ARHGEF6: variants seen among roughly 807,000 people sequenced by gnomAD.
The protein encoded by ARHGEF6 is Rac/Cdc42 guanine nucleotide exchange factor 6.
In ARHGEF6, 9 loss-of-function variants were observed where a neutral mutation model predicts 70.3. The observed-to-expected ratio is 0.13, with a 90% CI of 0.08 to 0.22. The LOEUF is 0.22. Among genes scored for constraint, ARHGEF6 ranks in the 10% least tolerant of loss-of-function variants. The probability of loss-of-function intolerance (pLI) is 1.00; values close to 1 mark genes in which losing one functional copy is unlikely to be tolerated. For missense variants in ARHGEF6, 470 were observed against 563.0 expected (o/e 0.83, Z 1.67); for synonymous variants, 201 against 207.8 (o/e 0.97, Z 0.28).
At chrX:136,742,103 A>G (rs755449117) in intron 5 of ARHGEF6, among the ~76,000 whole-genome samples, 216 of 110,801 alleles carry the variant, frequency 1.9e-3, no homozygotes, top group African/African-American at 6.9e-3. Flanking sequence ...GGCGGATCAC[A>G]AGGTCAGGAG....
intron 5 of ARHGEF6, among the ~76,000 whole-genome samples, chrX:136,735,324 G>T (rs2076974547): frequency 9.0e-6 from 1 of 111,037 alleles, no homozygotes; most frequent in African/African-American, 3.3e-5. Context: ...ACAATTTCTG[G>T]CCTCTTGTCC....
chrX:136,699,794 C>A (rs867628090), intron 9 of ARHGEF6, among the ~76,000 whole-genome samples: 2 of 111,141 alleles, frequency 1.8e-5, no homozygotes, highest in Middle Eastern at 9.2e-3. Flanking sequence ...GGTTTGGGAT[C>A]CAAAAACCCA....
In ARHGEF6 at chrX:136,667,609, C is replaced by T. The variant is rs767113152; in HGVS notation, c.*420G>A. 5.1e-5 allele frequency: 9 copies of T among 174,991 alleles called. No homozygotes were observed. Among genetic ancestry groups the T allele is most frequent in the Non-Finnish European group, 9.6e-5 (9 of 93,820 alleles). 14.4% of individuals were successfully genotyped at this position (174,991 alleles called of 1,213,427 possible). ...TTCACATTTAATAAGCCTTGGCCAGCTGCTTTGCAAGGGCAGCCAGCCCAA... is the reference window on the plus strand; with the variant it reads ...TTCACATTTAATAAGCCTTGGCCAGTTGCTTTGCAAGGGCAGCCAGCCCAA... On this transcript the variant is annotated 3_prime_UTR_variant, in exon 22 of 22. Transcript: ENST00000250617.
intron 2 of ARHGEF6, among the ~76,000 whole-genome samples, chrX:136,763,542 C>T (rs942509108): frequency 1.8e-5 from 2 of 111,935 alleles, no homozygotes; most frequent in Non-Finnish European, 3.8e-5. Context: ...AAGATGATCA[C>T]GGCCGGGCAC....
rs369663821 is a variant in ARHGEF6, at chrX:136,669,515, G to A, written c.2157C>T (p.Tyr719=). Residue 719 remains tyrosine (Y), a synonymous_variant, in exon 21 of 22, where the codon TAC becomes TAT. Transcript: ENST00000250617. ...MEEKSLVDTV[Y]ALKDEVRELK... is the part of the protein sequence containing the mutation. ...GTTCTCTGACCTCGTCCTTCAAGGCGTAAACAGTATCAACAAGGCTCCTAG... is the reference window on the plus strand; with the variant it reads ...GTTCTCTGACCTCGTCCTTCAAGGCATAAACAGTATCAACAAGGCTCCTAG... The A allele has an allele frequency of 4.5e-5, 54 of 1,205,971 alleles. No individual in the cohort carries two copies. The highest frequency in any genetic ancestry group is 2.3e-4 in the Middle Eastern group (1 of 4,341).
rs1351874574 is a variant in ARHGEF6 at position 136,679,576 on chromosome X, C to T, written c.1789G>A (p.Ala597Thr). The change falls in exon 16 of 22, where the codon GCA (alanine) becomes ACA (threonine). Residue 597 changes from alanine to threonine, a missense_variant. Ala to Thr is a moderately conservative substitution (Grantham distance 58). Coordinates refer to ENST00000250617, the MANE Select transcript of ARHGEF6 (RefSeq NM_004840.3). The part of the protein sequence containing the change: ...KPWSLSCLRP[A>T]PPLRPSAALG... ...GCTGCTGATGGTCTAAGTGGAGGTG[C>T]AGGTCGTAGACAACTTAAACTCCAC... 1 of 1,211,163 alleles carries T rather than the reference C, an allele frequency of 8.3e-7. No individual in the cohort carries two copies. The highest frequency in any genetic ancestry group is 1.7e-5 in the African/African-American group (1 of 57,753).
chrX:136,763,980 GTAA>G (rs2077288839), intron 2 of ARHGEF6, among the ~76,000 whole-genome samples: 1 of 111,653 alleles, frequency 9.0e-6, no homozygotes, highest in Non-Finnish European at 1.9e-5. Flanking sequence ...GAAAATAAGT[GTAA>G]GCTGCCCAAT....
At chrX:136,768,662 C>T (rs1036614803) in intron 2 of ARHGEF6, 1 of 112,523 alleles carries the variant, frequency 8.9e-6, no homozygotes, top group African/African-American at 3.2e-5. Context: ...GTTACAACTA[C>T]TGGTAATTGT....
intron 11 of ARHGEF6, among the ~76,000 whole-genome samples, chrX:136,686,883 A>C (rs952189416): frequency 9.4e-6 from 1 of 106,432 alleles, no homozygotes; most frequent in African/African-American, 3.4e-5. Context: ...TTTTCTATAA[A>C]ATCTCTGCTG....
chrX:136,679,781 T>C (rs764483952), intron 15 of ARHGEF6, 121 bp from the exon 16 acceptor site: 6 of 930,231 alleles, frequency 6.5e-6, no homozygotes, highest in African/African-American at 5.8e-5. Context: ...AAGGGATAGA[T>C]GGAAAAACAA....
At chrX:136,683,376 GA>G (rs1184653787) in intron 12 of ARHGEF6, among the ~76,000 whole-genome samples, 18 of 107,854 alleles carry the variant, frequency 1.7e-4, no homozygotes. Flanking sequence ...TTTTTTTCTT[GA>G]GACGGAGTTT....
intron 6 of ARHGEF6, among the ~76,000 whole-genome samples, chrX:136,717,749 G>T (rs1465819421): frequency 9.0e-6 from 1 of 111,127 alleles, no homozygotes; most frequent in Non-Finnish European, 1.9e-5. Flanking sequence ...TTATTATAAG[G>T]TACTTGCACT....
intron 1 of ARHGEF6, 52 bp downstream of exon 1, chrX:136,780,666 T>C: frequency 9.2e-7 from 1 of 1,089,905 alleles, no homozygotes; most frequent in Non-Finnish European, 1.3e-6. Flanking sequence ...AGTTACATGA[T>C]TGCTGCTCTC....
Position 136,685,050 on chromosome X carries a change from C to G in ARHGEF6, c.1392+627G>C, listed in dbSNP as rs774362187. Reference sequence around the variant, plus strand: ...TTCTGCATAGTCTAATTCTACCTGACTCAATCAATCTTTTACTAGGGCCAA... The same window carrying G: ...TTCTGCATAGTCTAATTCTACCTGAGTCAATCAATCTTTTACTAGGGCCAA... On this transcript the variant is annotated intron_variant, in intron 12 of 21. Coordinates refer to ENST00000250617, the MANE Select transcript of ARHGEF6 (RefSeq NM_004840.3). 8.2e-4 allele frequency among the ~76,000 whole-genome samples: 92 copies of G among 112,025 alleles called. No homozygotes were observed. The Admixed American group carries it at 8.7e-3, about 11-fold the overall frequency.
chrX:136,680,753 G>C lies in ARHGEF6; in HGVS notation c.1682C>G (p.Ser561Trp), dbSNP rs767903935. The change falls in exon 15 of 22, where the codon TCG (serine) becomes TGG (tryptophan). Residue 561 changes from serine (S) to tryptophan (W), a missense_variant. By Grantham distance (177) the Ser-to-Trp change is radical. Around this residue, in one of 3 missense-constraint regions of ARHGEF6, gnomAD observed 379 missense variants for 449.3 expected, o/e 0.84. Coordinates refer to ENST00000250617, the MANE Select transcript of ARHGEF6 (RefSeq NM_004840.3). ...ASCSSLSKTS[S>W]SSCSAHSSFS... ...TACAGAATGAGCACTACATGATGACGATGAGGTTTTGGATAATGAACTGCA... is the reference window on the plus strand; with the variant it reads ...TACAGAATGAGCACTACATGATGACCATGAGGTTTTGGATAATGAACTGCA... 8.3e-7 allele frequency: 1 copy of C among 1,211,608 alleles called. No homozygotes were observed. Among genetic ancestry groups the C allele is most frequent in the Admixed American group, 2.2e-5 (1 of 46,110 alleles).
chrX:136,737,386 G>C (rs1311521347), intron 5 of ARHGEF6: 1 of 158,232 alleles, frequency 6.3e-6, no homozygotes, highest in Non-Finnish European at 1.0e-5. Flanking sequence ...AGACTCACTT[G>C]AACCTGGGAG....
At chrX:136,757,360 G>A (rs999011841) in intron 2 of ARHGEF6, among the ~76,000 whole-genome samples, 1 of 112,213 alleles carries the variant, frequency 8.9e-6, no homozygotes, top group Non-Finnish European at 1.9e-5. Context: ...CTAGCCTGTC[G>A]CACTCTAGCC....
At chrX:136,669,673 G>T in intron 20 of ARHGEF6, 137 bp from the exon 21 acceptor site, 2 of 501,995 alleles carry the variant, frequency 4.0e-6, no homozygotes, top group South Asian at 6.1e-5. Context: ...GAATGGTACT[G>T]CTCTAAATGG....
intron 5 of ARHGEF6, among the ~76,000 whole-genome samples, chrX:136,734,955 GA>G (rs2076971465): frequency 9.0e-6 from 1 of 111,623 alleles, no homozygotes; most frequent in African/African-American, 3.3e-5. Context: ...ATAACTCATG[GA>G]AAAAAATAAG....
Sources: allele counts gnomAD v4.1 joint callset (sites outside exome capture counted in the v4.1 genomes callset), GRCh38; gene constraint gnomAD v4.1.1; regional missense constraint gnomAD v4.1.1; transcripts MANE v1.5; gene names NCBI Gene and HGNC (gene_info 2026-07-23, HGNC 2026-07-21).